The following KCNH8 variants were observed in gnomAD, a reference collection of about 807,000 sequenced individuals.
The protein encoded by KCNH8 is voltage-gated delayed rectifier potassium channel KCNH8.
In KCNH8, 70 loss-of-function variants were observed where a neutral mutation model predicts 103.6. The observed-to-expected ratio is 0.68, with a 90% CI of 0.56 to 0.82. The LOEUF (loss-of-function observed/expected upper bound fraction) is 0.82, where lower values mean the gene tolerates loss of function less well. Ranked by LOEUF, KCNH8 falls within the 40% of genes least tolerant of loss-of-function variation. KCNH8 has a pLI of 0.00. For missense variants in KCNH8, 1,217 were observed against 1,329.9 expected, an observed-to-expected ratio of 0.92 and a Z score of 1.32; for synonymous variants, 498 against 489.4, an observed-to-expected ratio of 1.02 and a Z score of -0.23.
chr3:19,487,238 C>G (rs1575127509), intron 11 of KCNH8, among the ~76,000 whole-genome samples: 1 of 152,188 alleles, frequency 6.6e-6, no homozygotes, highest in Non-Finnish European at 1.5e-5. Flanking sequence ...AGGAGCTAGT[C>G]TGATGCTAAA....
intron 5 of KCNH8, among the ~76,000 whole-genome samples, chr3:19,384,056 T>C (rs1435843185): frequency 1.3e-5 from 2 of 152,210 alleles, no homozygotes; most frequent in Non-Finnish European, 2.9e-5. Context: ...CCAATGGACA[T>C]GTTACATGGA....
At chr3:19,392,655 A>T (rs561426648) in intron 6 of KCNH8, among the ~76,000 whole-genome samples, 4 of 152,202 alleles carry the variant, frequency 2.6e-5, no homozygotes, top group African/African-American at 9.6e-5. Context: ...TCCATAGGTG[A>T]CATTCAGAAC....
At chr3:19,486,959 T>C (rs2068224108) in intron 11 of KCNH8, among the ~76,000 whole-genome samples, 1 of 152,184 alleles carries the variant, frequency 6.6e-6, no homozygotes, top group African/African-American at 2.4e-5. Flanking sequence ...GGACACTTTC[T>C]ACCTACAGTC....
chr3:19,290,493 T>TA (rs1323516415), intron 3 of KCNH8, among the ~76,000 whole-genome samples: 1 of 152,246 alleles, frequency 6.6e-6, no homozygotes, highest in East Asian at 1.9e-4. Flanking sequence ...TTTCTGCATC[T>TA]ATTGAGATAA....
intron 3 of KCNH8, among the ~76,000 whole-genome samples, chr3:19,325,702 A>T (rs1444999603): frequency 1.3e-5 from 2 of 152,172 alleles, no homozygotes. Flanking sequence ...TGGTGATGTT[A>T]TGGAGTAAAA....
intron 1 of KCNH8, among the ~76,000 whole-genome samples, chr3:19,220,338 A>G (rs2063860529): frequency 1.3e-5 from 2 of 152,216 alleles, no homozygotes; most frequent in African/African-American, 2.4e-5. Context: ...GTTACTTATC[A>G]TAGTGGCATG....
intron 11 of KCNH8, among the ~76,000 whole-genome samples, chr3:19,471,572 T>C (rs867447853): frequency 2.2e-4 from 34 of 152,220 alleles, no homozygotes; most frequent in African/African-American, 8.0e-4. Context: ...AGCTGCATGC[T>C]AAGCACTTTA....
chr3:19,454,076 T>C (rs1330382660), intron 10 of KCNH8, among the ~76,000 whole-genome samples: 1 of 151,972 alleles, frequency 6.6e-6, no homozygotes, highest in African/African-American at 2.4e-5. Context: ...ACTATTAATG[T>C]GGTCATTTCT....
At chr3:19,438,826 A>G (rs1309310766) in intron 8 of KCNH8, among the ~76,000 whole-genome samples, 1 of 152,148 alleles carries the variant, frequency 6.6e-6, no homozygotes, top group Non-Finnish European at 1.5e-5. Flanking sequence ...TGGCCTTGAA[A>G]CTATGGATCA....
Position 19,292,537 on chromosome 3 carries a change from C to G in KCNH8, c.442+11208C>G, listed in dbSNP as rs979603913. Among the ~76,000 whole-genome samples the G allele has an allele frequency of 4.6e-5, 7 of 152,152 alleles. No homozygotes were observed. In the South Asian group the frequency reaches 1.2e-3, roughly 27 times the overall value. On this transcript the variant is annotated intron_variant, in intron 3 of 15. Coordinates refer to ENST00000328405, the MANE Select transcript of KCNH8 (RefSeq NM_144633.3). ...ACAATTATATGTGCATTGCCTTTAG[C>G]TACAAGAACCTGCAAACCTAACTAA... is the stretch of plus-strand genomic sequence containing the variant.
chr3:19,341,831 A>G (rs1234783882), intron 3 of KCNH8, among the ~76,000 whole-genome samples: 2 of 152,080 alleles, frequency 1.3e-5, no homozygotes, highest in Non-Finnish European at 2.9e-5. Context: ...AGGCACATCT[A>G]TTCACTTGCT....
In KCNH8 at chr3:19,352,894, T is replaced by A. The variant is rs1415115232; in HGVS notation, c.811+4929T>A. Reference sequence around the variant, plus strand: ...GAAATAACTAAAATCAGAGCAGAGCTAAAGGAGATAGAGACACAAAAAAAC... The same window carrying A: ...GAAATAACTAAAATCAGAGCAGAGCAAAAGGAGATAGAGACACAAAAAAAC... On this transcript the variant is annotated intron_variant, in intron 5 of 15. Transcript: ENST00000328405. Among the ~76,000 whole-genome samples, 4 of 150,748 alleles carry A rather than the reference T, an allele frequency of 2.7e-5. No individual in the cohort carries two copies. The East Asian group carries it at 7.8e-4, about 29-fold the overall frequency.
At chr3:19,294,306 A>G (rs556734704) in intron 3 of KCNH8, among the ~76,000 whole-genome samples, 5 of 152,324 alleles carry the variant, frequency 3.3e-5, no homozygotes, top group African/African-American at 1.2e-4. Flanking sequence ...ATCTACGGTG[A>G]TTGATATGTA....
Position 19,192,309 on chromosome 3 carries a change from GT to G in KCNH8, c.76+43518del, listed in dbSNP as rs1470563435. 5.3e-5 allele frequency among the ~76,000 whole-genome samples: 8 copies of G among 151,644 alleles called. 1 individual carries two copies. Among genetic ancestry groups the G allele is most frequent in the Middle Eastern group, 6.8e-3 (2 of 294 alleles). ...ACTTTGATAGAATGTACTCATGTTT[GT>G]TTTCATTTTTTGAGGTAGCAAACAT... On this transcript the variant is annotated intron_variant, in intron 1 of 15. Coordinates refer to ENST00000328405, the MANE Select transcript of KCNH8 (RefSeq NM_144633.3).
At chr3:19,225,792 T>A (rs560947999) in intron 1 of KCNH8, among the ~76,000 whole-genome samples, 5 of 152,188 alleles carry the variant, frequency 3.3e-5, no homozygotes, top group Non-Finnish European at 4.4e-5. Flanking sequence ...ATTCGGATAA[T>A]ATTTATGTCC....
chr3:19,274,140 C>T (rs756447998), intron 2 of KCNH8, among the ~76,000 whole-genome samples: 3 of 152,088 alleles, frequency 2.0e-5, no homozygotes, highest in Non-Finnish European at 4.4e-5. Flanking sequence ...ATTAGAAAAT[C>T]AAACTCAGAC....
rs1423164434 is a variant in KCNH8, at chr3:19,451,408, G to A, written c.1825+4G>A. On this transcript the variant is annotated splice_donor_region_variant and intron_variant, in intron 10 of 15. Transcript: ENST00000328405. ...AGCATGGTGCTGGCTATTCTTGGTA[G>A]GTCTGAATTGAAAAACTTGTATGAA... The A allele has an allele frequency of 6.2e-7, 1 of 1,609,926 alleles. No individual in the cohort carries two copies. The highest frequency in any genetic ancestry group is 2.2e-5 in the East Asian group (1 of 44,814).
At chr3:19,240,484 T>C (rs2064124440) in intron 1 of KCNH8, among the ~76,000 whole-genome samples, 2 of 151,826 alleles carry the variant, frequency 1.3e-5, no homozygotes, top group Admixed American at 1.3e-4. Flanking sequence ...TGGTGGCGCA[T>C]GCCTGTAATC....
At chr3:19,398,303 A>G (rs544105521) in intron 7 of KCNH8, among the ~76,000 whole-genome samples, 55 of 152,054 alleles carry the variant, frequency 3.6e-4, no homozygotes, top group African/African-American at 1.2e-3. Flanking sequence ...AGGAATAGGT[A>G]TAGAGGGGTG....
Sources: allele counts gnomAD v4.1 joint callset (sites outside exome capture counted in the v4.1 genomes callset), GRCh38; gene constraint gnomAD v4.1.1; transcripts MANE v1.5; gene names NCBI Gene and HGNC (gene_info 2026-07-23, HGNC 2026-07-21).